LINGO2: variants seen among roughly 807,000 people sequenced by gnomAD.
LINGO2 encodes the protein leucine rich repeat and Ig domain containing 2.
A neutral mutation model predicts 30.6 loss-of-function variants in LINGO2; 14 were observed. That is an observed-to-expected ratio of 0.46 (90% CI 0.30 to 0.72). LINGO2 has a LOEUF of 0.72. Among genes scored for constraint, LINGO2 ranks in the 30% least tolerant of loss-of-function variants. The pLI is 0.07. For missense variants in LINGO2, 729 were observed against 751.7 expected (o/e 0.97, Z 0.35); for synonymous variants, 317 against 288.5 (o/e 1.10, Z -1.00).
intron 3 of LINGO2, among the ~76,000 whole-genome samples, chr9:28,347,881 G>C (rs561893202): frequency 6.6e-6 from 1 of 152,254 alleles, no homozygotes; most frequent in South Asian, 2.1e-4. Context: ...CTCCTGTCTA[G>C]CTCAAAGATG....
chr9:28,228,186 G>C (rs142492020), intron 4 of LINGO2, among the ~76,000 whole-genome samples: 1 of 151,902 alleles, frequency 6.6e-6, no homozygotes, highest in African/African-American at 2.4e-5. Context: ...TAATTATCTA[G>C]TGTGAACTAT....
the LINGO2 span, among the ~76,000 whole-genome samples, chr9:28,705,609 T>C: frequency 0.15 from 22,178 of 152,120 alleles, 2,183 homozygotes; most frequent in African/African-American, 0.28. Flanking sequence ...CTGCTCCCAC[T>C]GCCAGAATCA....
At chr9:28,990,605 C>T in the LINGO2 span, among the ~76,000 whole-genome samples, 4 of 152,138 alleles carry the variant, frequency 2.6e-5, no homozygotes, top group Admixed American at 1.3e-4. Context: ...GGAGGCACCA[C>T]CCAGTAGGGG....
the LINGO2 span, among the ~76,000 whole-genome samples, chr9:28,823,085 T>A: frequency 2.0e-5 from 3 of 152,210 alleles, no homozygotes; most frequent in African/African-American, 7.2e-5. Flanking sequence ...CTGAGAGAGG[T>A]AAATTTCTCA....
chr9:28,687,580 T>C, the LINGO2 span, among the ~76,000 whole-genome samples: 1 of 152,032 alleles, frequency 6.6e-6, no homozygotes, highest in Non-Finnish European at 1.5e-5. Flanking sequence ...CTCATTTGAG[T>C]CAACATATGT....
chr9:28,169,653 G>A (rs1461880866), intron 4 of LINGO2, among the ~76,000 whole-genome samples: 3 of 152,100 alleles, frequency 2.0e-5, no homozygotes, highest in Non-Finnish European at 4.4e-5. Context: ...TTTATTGAAT[G>A]GACACGAGAG....
chr9:28,778,831 A>G, the LINGO2 span, among the ~76,000 whole-genome samples: 1 of 152,214 alleles, frequency 6.6e-6, no homozygotes, highest in African/African-American at 2.4e-5. Context: ...GCTAGAAGAG[A>G]TATCTATTGA....
intron 3 of LINGO2, among the ~76,000 whole-genome samples, chr9:28,356,023 T>A (rs1820195478): frequency 6.6e-6 from 1 of 152,166 alleles, no homozygotes; most frequent in Non-Finnish European, 1.5e-5. Flanking sequence ...AGATATTTAA[T>A]CACTTCTAGT....
At chr9:28,520,639 T>C (rs1820794706) in intron 1 of LINGO2, among the ~76,000 whole-genome samples, 1 of 152,202 alleles carries the variant, frequency 6.6e-6, no homozygotes, top group Non-Finnish European at 1.5e-5. Context: ...CTCCAGAACC[T>C]AGAAGACAGC....
chr9:28,314,479 A>G (rs1483668313), intron 3 of LINGO2, among the ~76,000 whole-genome samples: 1 of 152,152 alleles, frequency 6.6e-6, no homozygotes, highest in African/African-American at 2.4e-5. Flanking sequence ...TCTTCAAGAA[A>G]TAATTGAGTG....
rs539097597 is a variant in LINGO2 at position 28,554,789 on chromosome 9, A to G, written c.-364-78764T>C. Among the ~76,000 whole-genome samples the G allele has an allele frequency of 1.2e-3, 157 of 132,538 alleles. 1 individual carries two copies. Among genetic ancestry groups the G allele is most frequent in the Admixed American group, 9.8e-3 (127 of 12,910 alleles). 87.0% of individuals were successfully genotyped at this position (132,538 alleles called of 152,430 possible). On this transcript the variant is annotated intron_variant, in intron 1 of 5. Transcript: ENST00000379992. Reference sequence around the variant, plus strand: ...GCAAATGTAAAAGAACAGAAATTATAACAAACAATCTCTCAGACCACAGTG... The same window carrying G: ...GCAAATGTAAAAGAACAGAAATTATGACAAACAATCTCTCAGACCACAGTG...
At chr9:28,620,591 G>T (rs1257588164) in intron 1 of LINGO2, among the ~76,000 whole-genome samples, 1 of 152,012 alleles carries the variant, frequency 6.6e-6, no homozygotes, top group African/African-American at 2.4e-5. Context: ...ACCTCAGTTT[G>T]CTAGATGGGC....
At chr9:27,992,731 T>G (rs1821460114) in intron 5 of LINGO2, among the ~76,000 whole-genome samples, 1 of 152,104 alleles carries the variant, frequency 6.6e-6, no homozygotes, top group Admixed American at 6.6e-5. Flanking sequence ...GATTTCTGGT[T>G]GGTTTTCTCT....
chr9:29,169,390 A>C, the LINGO2 span, among the ~76,000 whole-genome samples: 12 of 152,170 alleles, frequency 7.9e-5, no homozygotes, highest in East Asian at 1.3e-3. Context: ...ATCTGACAAA[A>C]GGCTAATATC....
the LINGO2 span, among the ~76,000 whole-genome samples, chr9:29,134,549 G>GA: frequency 6.6e-6 from 1 of 151,968 alleles, no homozygotes; most frequent in African/African-American, 2.4e-5. Context: ...TGAAAGGAGA[G>GA]ATGGATGAGT....
the LINGO2 span, among the ~76,000 whole-genome samples, chr9:28,955,791 C>A: frequency 1.3e-5 from 2 of 152,010 alleles, no homozygotes; most frequent in Non-Finnish European, 2.9e-5. Flanking sequence ...AATGGAGACA[C>A]AGTAAGGAAC....
At position 28,549,004 on chromosome 9, in the gene LINGO2, C is replaced by A. The variant is rs567967166; in HGVS notation, c.-364-72979G>T. 3.3e-5 allele frequency among the ~76,000 whole-genome samples: 5 copies of A among 152,038 alleles called. No homozygotes were observed. In the South Asian group the frequency reaches 1.0e-3, roughly 31 times the overall value. ...GTATAGATATAATACATATTTTATA[C>A]TGCAAAACATTAACCTGTACACAGT... On this transcript the variant is annotated intron_variant, in intron 1 of 5. Transcript: ENST00000379992.
chr9:28,151,443 G>T (rs570846700), intron 4 of LINGO2, among the ~76,000 whole-genome samples: 1 of 151,630 alleles, frequency 6.6e-6, no homozygotes, highest in African/African-American at 2.4e-5. Flanking sequence ...CATATCAAAA[G>T]ATCAATATAA....
At chr9:28,992,850 G>A in the LINGO2 span, among the ~76,000 whole-genome samples, 2 of 152,046 alleles carry the variant, frequency 1.3e-5, no homozygotes, top group Middle Eastern at 3.4e-3. Flanking sequence ...GAATCTCTGG[G>A]ACACATTCAA....
Sources: gnomAD v4.1 joint callset for allele counts (sites outside exome capture counted in the v4.1 genomes callset) on GRCh38, gnomAD v4.1.1 for gene constraint, MANE v1.5 for transcripts, NCBI Gene and HGNC (gene_info 2026-07-23, HGNC 2026-07-21) for gene names.